NLRP11: variants seen among roughly 807,000 people sequenced by gnomAD.
NLRP11 encodes the protein NLR family pyrin domain containing 11, also known as NACHT, LRR and PYD domains-containing protein 11.
In NLRP11, 53 loss-of-function variants were observed where a neutral mutation model predicts 79.3. That is an observed-to-expected ratio of 0.67 (90% CI 0.54 to 0.84). The LOEUF is 0.84. Among genes scored for constraint, NLRP11 ranks in the 40% least tolerant of loss-of-function variants. The probability of loss-of-function intolerance (pLI) is 0.00; values close to 1 mark genes in which losing one functional copy is unlikely to be tolerated. For synonymous variants in NLRP11, 518 were observed against 462.6 expected (o/e 1.12, Z -1.54); for missense variants, 1,264 against 1,255.0 (o/e 1.01, Z -0.11).
At position 55,796,237 on chromosome 19, in the gene NLRP11, C is replaced by G. The variant is rs1334057566; in HGVS notation, c.2185G>C (p.Asp729His). Residue 729 changes from aspartate (D) to histidine (H), a missense_variant, in exon 6 of 10, where the codon GAT becomes CAT. Asp to His is a moderately conservative substitution (Grantham distance 81). Transcript: ENST00000589093. ...TCTTCACATTCGCTGGCTCGCAAAT[C>G]ACATTTCATCAAGCTGTAAGAGGAA... is the stretch of plus-strand genomic sequence containing the variant. 1.2e-6 allele frequency: 2 copies of G among 1,612,182 alleles called. No individual in the cohort carries two copies. Among genetic ancestry groups the G allele is most frequent in the Admixed American group, 1.7e-5 (1 of 59,920 alleles).
At chr19:55,836,509 C>CT (rs903926472), upstream of NLRP11, 8 of 152,368 alleles carry the variant, frequency 5.3e-5, no homozygotes, top group African/African-American at 1.7e-4. Flanking sequence ...CACCACGGAT[C>CT]TTTTCTTCCC....
rs201748828 is a variant in NLRP11 at position 55,809,500 on chromosome 19, A to C, written c.1110T>G (p.His370Gln). The C allele has an allele frequency of 6.2e-7, 1 of 1,614,162 alleles. No homozygotes were observed. ...TCAACGCATCAGCAAGAAAGTGGGC[A>C]TGTAGATCAGTGGGTGTTTGGCAGC... Residue 370 changes from histidine to glutamine, a missense_variant, in exon 3 of 10, where the codon CAT becomes CAG. Physicochemically the swap from His to Gln is conservative, Grantham distance 24. Transcript: ENST00000589093. This position sits in a 1 kb window ranked among gnomAD's most constrained non-coding sequence, Gnocchi z 4.5.
intron 7 of NLRP11, among the ~76,000 whole-genome samples, chr19:55,790,607 T>C (rs577856560): frequency 3.9e-5 from 6 of 152,360 alleles, no homozygotes; most frequent in Admixed American, 2.0e-4. Context: ...TTCTTTGTTA[T>C]AGAATGTATA....
In NLRP11 at chr19:55,793,359, A is replaced by G. The variant is rs1978467374; in HGVS notation, c.2343-888T>C. Among the ~76,000 whole-genome samples, 3 of 152,128 alleles carry G rather than the reference A, an allele frequency of 2.0e-5. No individual in the cohort carries two copies. The Middle Eastern group carries it at 0.01, about 517-fold the overall frequency. On this transcript the variant is annotated intron_variant, in intron 6 of 9. Coordinates refer to ENST00000589093, the Ensembl canonical transcript of NLRP11. ...GGAGACAGGAAGATCACCTGAGTTC[A>G]GGACTTCGAGACTAGCCTGGTCAAC...
chr19:55,827,213 T>C (rs997390864), intron 1 of NLRP11, among the ~76,000 whole-genome samples: 4 of 139,744 alleles, frequency 2.9e-5, no homozygotes, highest in East Asian at 4.6e-4. Flanking sequence ...GCTAGCCATA[T>C]GTAGGAAGCT....
chr19:55,812,745 C>A lies in NLRP11; in HGVS notation c.272-2407G>T, dbSNP rs186437709. ...GACCCTGAAGCTCTTTCTTGAGAAT[C>A]CTTTGTGGTCAGAAAAGCCTGTCAA... is the stretch of plus-strand genomic sequence containing the variant. On this transcript the variant is annotated intron_variant, in intron 2 of 9. Transcript: ENST00000589093. Among the ~76,000 whole-genome samples the A allele has an allele frequency of 4.6e-5, 7 of 152,160 alleles. No homozygotes were observed. In the East Asian group the frequency reaches 7.7e-4, roughly 17 times the overall value.
intron 5 of NLRP11, among the ~76,000 whole-genome samples, chr19:55,800,336 G>C (rs1979354741): frequency 6.6e-6 from 1 of 152,072 alleles, no homozygotes. Flanking sequence ...ATGGAGTTTT[G>C]CTCTTGTTGC....
Position 55,830,409 on chromosome 19 carries a change from A to G in NLRP11, c.-63+1554T>C, listed in dbSNP as rs1019420646. On this transcript the variant is annotated intron_variant, in intron 1 of 9. Transcript: ENST00000589093. ...AGACTCAAACAGTCCATATTTCCCT[A>G]AACACTGTTGTATGAGCTTTGCTTG... 3.9e-5 allele frequency among the ~76,000 whole-genome samples: 6 copies of G among 152,124 alleles called. No homozygotes were observed. In the South Asian group the frequency reaches 8.3e-4, roughly 21 times the overall value.
chr19:55,791,925 C>T (rs7254593), intron 7 of NLRP11, among the ~76,000 whole-genome samples: 42,576 of 152,024 alleles, frequency 0.28, 7,590 homozygotes, highest in African/African-American at 0.51. Flanking sequence ...AAGATGCCCC[C>T]ATGATCGCCA....
intron 1 of NLRP11, among the ~76,000 whole-genome samples, chr19:55,821,205 TCACACACA>T (rs950312294): frequency 7.0e-4 from 60 of 85,238 alleles, no homozygotes; most frequent in African/African-American, 2.3e-3. Flanking sequence ...TCTCTCTCTC[TCACACACA>T]CACACACACA....
chr19:55,792,734 T>C (rs1978398332), intron 6 of NLRP11, among the ~76,000 whole-genome samples: 1 of 152,264 alleles, frequency 6.6e-6, no homozygotes, highest in Non-Finnish European at 1.5e-5. Flanking sequence ...TTATAGACGT[T>C]ACTTCTGGAA....
exon 10 of NLRP11, chr19:55,785,534 CACACAT>C (rs1462880717): frequency 6.4e-6 from 7 of 1,095,584 alleles, no homozygotes; most frequent in African/African-American, 1.8e-5. Context: ...CACACACACA[CACACAT>C]CAAATAGGAA....
chr19:55,802,373 C>G (rs1260301911), intron 4 of NLRP11, among the ~76,000 whole-genome samples: 1 of 152,134 alleles, frequency 6.6e-6, no homozygotes, highest in Non-Finnish European at 1.5e-5. Flanking sequence ...TTCCTATACA[C>G]CAACGACAGC....
upstream of NLRP11, among the ~76,000 whole-genome samples, chr19:55,836,032 G>A (rs1359228722): frequency 2.6e-5 from 4 of 152,364 alleles, no homozygotes; most frequent in East Asian, 7.7e-4. Flanking sequence ...GCTGAGGCAG[G>A]AGAATCTCTT....
chr19:55,833,561 C>A (rs892563994), upstream of NLRP11, among the ~76,000 whole-genome samples: 14 of 151,760 alleles, frequency 9.2e-5, no homozygotes, highest in South Asian at 2.7e-3. Flanking sequence ...GTCAGAAGAT[C>A]GAGACCATCC....
chr19:55,786,879 A>G (rs1196961038), intron 9 of NLRP11, among the ~76,000 whole-genome samples: 1 of 152,204 alleles, frequency 6.6e-6, no homozygotes, highest in East Asian at 1.9e-4. Context: ...GAAAATTTGT[A>G]ATGTTTATGG....
At chr19:55,787,076 G>C (rs1989925463) in intron 9 of NLRP11, among the ~76,000 whole-genome samples, 2 of 152,174 alleles carry the variant, frequency 1.3e-5, no homozygotes, top group Admixed American at 1.3e-4. Context: ...ACATGAGTGG[G>C]AAATGAGTTG....
chr19:55,812,287 CAA>C (rs1980677895), intron 2 of NLRP11, among the ~76,000 whole-genome samples: 1 of 151,926 alleles, frequency 6.6e-6, no homozygotes, highest in Non-Finnish European at 1.5e-5. Context: ...CTATGCAAAA[CAA>C]AGAATTCATT....
At chr19:55,796,383 C>G in intron 5 of NLRP11, 133 bp from the exon 6 acceptor site, 1 of 746,634 alleles carries the variant, frequency 1.3e-6, no homozygotes, top group Non-Finnish European at 2.1e-6. Flanking sequence ...GATCCCTTTG[C>G]TTCTAACCTT....
Sources: gnomAD v4.1 joint callset for allele counts (sites outside exome capture counted in the v4.1 genomes callset) on GRCh38, gnomAD v4.1.1 for gene constraint, Gnocchi (gnomAD v3.1) non-coding constraint, MANE v1.5 for transcripts, NCBI Gene and HGNC (gene_info 2026-07-23, HGNC 2026-07-21) for gene names.